LIX1L: variants seen among roughly 807,000 people sequenced by gnomAD.
LIX1L encodes the protein limb and CNS expressed 1 like, also known as LIX1-like protein.
A neutral mutation model predicts 34.0 loss-of-function variants in LIX1L; 20 were observed. The observed-to-expected ratio is 0.59, with a 90% CI of 0.41 to 0.85. The LOEUF (loss-of-function observed/expected upper bound fraction) is 0.85, where lower values mean the gene tolerates loss of function less well. Ranked by LOEUF, LIX1L falls within the 40% of genes least tolerant of loss-of-function variation. The pLI, the probability that LIX1L is intolerant of heterozygous loss-of-function variation, is 0.00. For missense variants in LIX1L, 397 were observed against 447.0 expected, an observed-to-expected ratio of 0.89 and a Z score of 1.01; for synonymous variants, 170 against 187.4, an observed-to-expected ratio of 0.91 and a Z score of 0.76.
rs1570978036 is a variant in LIX1L, at chr1:145,958,005, C to A, written c.-78G>T. 2.0e-6 allele frequency: 2 copies of A among 1,014,524 alleles called. No individual in the cohort carries two copies. The highest frequency in any genetic ancestry group is 2.2e-5 in the South Asian group (1 of 44,918). The allele number at this position is 1,014,524 out of a possible 1,614,324, so 62.8% of individuals were successfully genotyped here. On this transcript the variant is annotated 5_prime_UTR_variant, in exon 1 of 6. Coordinates refer to ENST00000604000, the MANE Select transcript of LIX1L (RefSeq NM_153713.3). ...GGTCCCAACCACCCCAGTCAGCTAG[C>A]GCCTGGGGACTCAGGGCGGTGCCAG...
chr1:145,937,038 T>C, intron 4 of LIX1L, 53 bp from the exon 5 acceptor site: 1 of 1,274,474 alleles, frequency 7.8e-7, no homozygotes, highest in South Asian at 1.2e-5. Context: ...ATTGGGAGGT[T>C]GCATCAGAAT....
At chr1:145,955,367 A>C (rs1347277004) in intron 1 of LIX1L, among the ~76,000 whole-genome samples, 1 of 152,226 alleles carries the variant, frequency 6.6e-6, no homozygotes, top group Non-Finnish European at 1.5e-5. Context: ...AGCCCACATG[A>C]GTGAAGGTAG....
At chr1:145,939,891 A>T (rs1648830144) in intron 3 of LIX1L, 1 of 151,976 alleles carries the variant, frequency 6.6e-6, no homozygotes, top group African/African-American at 2.4e-5. Context: ...TGCCCGCCTC[A>T]GCCCCGCAAA....
At chr1:145,946,492 C>T (rs879950040) in intron 2 of LIX1L, among the ~76,000 whole-genome samples, 1 of 151,966 alleles carries the variant, frequency 6.6e-6, no homozygotes, top group Non-Finnish European at 1.5e-5. Flanking sequence ...TCACTGTGCC[C>T]GGCCTGAAAT....
intron 1 of LIX1L, among the ~76,000 whole-genome samples, chr1:145,956,734 T>TATTCCTTATTACTTACACTATAA (rs1553760407): frequency 3.9e-5 from 6 of 152,188 alleles, no homozygotes; most frequent in African/African-American, 1.4e-4. Flanking sequence ...CTTCACTATA[T>TATTCCTTATTACTTACACTATAA]ATTCCTTATT....
rs2101891225 is a variant in LIX1L at position 145,936,261 on chromosome 1, G to A, written c.*49C>T. The A allele has an allele frequency of 4.4e-6, 7 of 1,585,918 alleles. No homozygotes were observed. In the East Asian group the frequency reaches 9.0e-5, roughly 20 times the overall value. ...AAATCATCCTAAATCTTAGAAAGGA[G>A]ACATAAAAAAAGGCTGTGGAAAGCC... On this transcript the variant is annotated 3_prime_UTR_variant, in exon 6 of 6. Coordinates refer to ENST00000604000, the MANE Select transcript of LIX1L (RefSeq NM_153713.3).
chr1:145,949,577 G>A (rs1173725152), intron 1 of LIX1L, among the ~76,000 whole-genome samples: 1 of 151,998 alleles, frequency 6.6e-6, no homozygotes, highest in Non-Finnish European at 1.5e-5. Context: ...TTAGAGTATT[G>A]GCTTTATCCT....
Position 145,937,616 on chromosome 1 carries a change from C to A in LIX1L, c.681G>T (p.Met227Ile), listed in dbSNP as rs923423080. The change falls in exon 4 of 6, where the codon ATG becomes ATT. Residue 227 changes from methionine to isoleucine, a missense_variant. By Grantham distance (10) the Met-to-Ile change is conservative (BLOSUM62 1). Coordinates refer to ENST00000604000, the MANE Select transcript of LIX1L (RefSeq NM_153713.3). ...CATGGGAAAGTACCTGGAACTCCAA[C>A]ATTGATTTGCCCTTGTTGGATTCCA... Reference protein sequence around the residue: ...FMLESNKGKSMLEFQELMTVF... With the variant: ...FMLESNKGKSILEFQELMTVF... The A allele has an allele frequency of 6.2e-7, 1 of 1,612,146 alleles. No individual in the cohort carries two copies. The highest frequency in any genetic ancestry group is 8.5e-7 in the Non-Finnish European group (1 of 1,178,414).
intron 3 of LIX1L, 84 bp from the exon 4 acceptor site, chr1:145,937,783 G>A: frequency 1.2e-6 from 1 of 816,928 alleles, no homozygotes; most frequent in Non-Finnish European, 2.1e-6. Context: ...GAAATATAAT[G>A]CAAGCCACAT....
chr1:145,955,860 G>A (rs1417149913), intron 1 of LIX1L, among the ~76,000 whole-genome samples: 3 of 152,210 alleles, frequency 2.0e-5, no homozygotes, highest in Non-Finnish European at 2.9e-5. Flanking sequence ...TCCTTGCTAA[G>A]GAAATGAAAG....
chr1:145,955,419 G>T (rs1479754553), intron 1 of LIX1L, among the ~76,000 whole-genome samples: 2 of 152,216 alleles, frequency 1.3e-5, no homozygotes, highest in Non-Finnish European at 2.9e-5. Context: ...GAGCATTCAG[G>T]AAGAAGATGA....
chr1:145,947,442 C>T lies in LIX1L; in HGVS notation c.456+177G>A, dbSNP rs1467731551. ...TTTGAGTTTTTGAAAGGAAAGCATGCTACTGAGGTTCTACTATGGTCAAAT... is the reference window on the plus strand; with the variant it reads ...TTTGAGTTTTTGAAAGGAAAGCATGTTACTGAGGTTCTACTATGGTCAAAT... On this transcript the variant is annotated intron_variant, in intron 2 of 5. Coordinates refer to ENST00000604000, the MANE Select transcript of LIX1L (RefSeq NM_153713.3). 14 of 628,738 alleles carry T rather than the reference C, an allele frequency of 2.2e-5. No homozygotes were observed. The East Asian group carries it at 3.5e-4, about 16-fold the overall frequency. The allele number at this position is 628,738 out of a possible 1,614,324, so 38.9% of individuals were successfully genotyped here. A position where few individuals can be genotyped will look rare whatever the true frequency, so the allele number is the denominator to read the frequency against.
At chr1:145,942,906 G>C in intron 2 of LIX1L, 53 bp from the exon 3 acceptor site, 5 of 1,567,888 alleles carry the variant, frequency 3.2e-6, no homozygotes, top group Non-Finnish European at 4.4e-6. Context: ...ATGAGAGAGA[G>C]GAAGGAACAG....
At position 145,957,811 on chromosome 1, in the gene LIX1L, A is replaced by AG. The variant is rs1553760621; in HGVS notation, c.116dup (p.Ala40CysfsTer78). 7.3e-7 allele frequency: 1 copy of AG among 1,368,518 alleles called. No individual in the cohort carries two copies. Among genetic ancestry groups the AG allele is most frequent in the Non-Finnish European group, 9.4e-7 (1 of 1,065,482 alleles). The allele number at this position is 1,368,518 out of a possible 1,614,324, so 84.8% of individuals were successfully genotyped here. A position where few individuals can be genotyped will look rare whatever the true frequency, so the allele number is the denominator to read the frequency against. Reference sequence around the variant, plus strand: ...GCGGCGGGGCAGGCGGGGGGCCCGCAGGGGGTGTGGCGGTGGCGGCCGCGG... The same window carrying AG: ...GCGGCGGGGCAGGCGGGGGGCCCGCAGGGGGGTGTGGCGGTGGCGGCCGCGG... On this transcript the variant is annotated frameshift_variant, in exon 1 of 6. Transcript: ENST00000604000. LOFTEE classifies it high-confidence loss of function.
intron 3 of LIX1L, 66 bp downstream of exon 3, chr1:145,942,647 A>T: frequency 6.9e-7 from 1 of 1,447,958 alleles, no homozygotes; most frequent in Non-Finnish European, 9.6e-7. Context: ...ACAGTAATTT[A>T]CGACTTCCCA....
At chr1:145,936,607 C>T in intron 5 of LIX1L, 55 bp from the exon 6 acceptor site, 1 of 1,593,288 alleles carries the variant, frequency 6.3e-7, no homozygotes, top group Non-Finnish European at 8.6e-7. Flanking sequence ...TCATATCATA[C>T]CACACTGACC....
chr1:145,945,946 A>AG (rs1295815390), intron 2 of LIX1L, among the ~76,000 whole-genome samples: 1 of 148,226 alleles, frequency 6.7e-6, no homozygotes, highest in Non-Finnish European at 1.5e-5. Flanking sequence ...AAAAAAAAAA[A>AG]AAAAAAAATT....
rs1259785648 is a variant in LIX1L at position 145,934,145 on chromosome 1, TCA to T, written c.*2163_*2164del. On this transcript the variant is annotated 3_prime_UTR_variant, in exon 6 of 6. Transcript: ENST00000604000. ...ACAATAATATAGTATAAATAAGAGA[TCA>T]CAGAGACAAGGGGGAAATATATATT... is the stretch of plus-strand genomic sequence containing the variant. The T allele has an allele frequency of 6.7e-6, 1 of 150,214 alleles. No individual in the cohort carries two copies. The highest frequency in any genetic ancestry group is 1.5e-5 in the Non-Finnish European group (1 of 68,010). 9.3% of individuals were successfully genotyped at this position (150,214 alleles called of 1,614,324 possible). A position where few individuals can be genotyped will look rare whatever the true frequency, so the allele number is the denominator to read the frequency against.
In LIX1L at chr1:145,937,538, C is replaced by T. The variant is rs587627540; in HGVS notation, c.693+66G>A. The T allele has an allele frequency of 7.6e-6, 7 of 919,986 alleles. No individual in the cohort carries two copies. The South Asian group carries it at 9.7e-5, about 13-fold the overall frequency. The allele number at this position is 919,986 out of a possible 1,614,324, so 57.0% of individuals were successfully genotyped here. ...TCAATGAGTTAGGAATTAGTAGGAG[C>T]CATTATATATTACAGTAGCAGGCTG... On this transcript the variant is annotated intron_variant, in intron 4 of 5. Transcript: ENST00000604000.
Sources: allele counts gnomAD v4.1 joint callset (sites outside exome capture counted in the v4.1 genomes callset), GRCh38; gene constraint gnomAD v4.1.1; transcripts MANE v1.5; gene names NCBI Gene and HGNC (gene_info 2026-07-23, HGNC 2026-07-21).